Variants in PDGFD observed in about 807,000 individuals in gnomAD.
The protein encoded by PDGFD is platelet derived growth factor D, also known as platelet-derived growth factor D.
Under a neutral mutation model 44.7 loss-of-function variants are expected in PDGFD, and 30 were observed. The observed-to-expected ratio is 0.67, with a 90% confidence interval of 0.50 to 0.91. PDGFD has a LOEUF of 0.91. Among genes scored for constraint, PDGFD ranks in the 40% least tolerant of loss-of-function variants. The pLI is 0.00. For missense variants in PDGFD, 445 were observed against 457.8 expected, an observed-to-expected ratio of 0.97 and a Z score of 0.25; for synonymous variants, 173 against 168.4, an observed-to-expected ratio of 1.03 and a Z score of -0.21.
At chr11:104,149,117 T>A (rs1289404874) in intron 1 of PDGFD, among the ~76,000 whole-genome samples, 1 of 152,178 alleles carries the variant, frequency 6.6e-6, no homozygotes, top group East Asian at 1.9e-4. Flanking sequence ...GGCTCAGAAA[T>A]TCACCTAGAA....
chr11:104,024,097 G>A (rs951123203), intron 1 of PDGFD, among the ~76,000 whole-genome samples: 1 of 152,076 alleles, frequency 6.6e-6, no homozygotes, highest in Non-Finnish European at 1.5e-5. Context: ...GACTGAAGAG[G>A]TGCTTTCCTT....
At chr11:104,095,624 C>A (rs1429734643) in intron 1 of PDGFD, among the ~76,000 whole-genome samples, 1 of 112,736 alleles carries the variant, frequency 8.9e-6, no homozygotes, top group Non-Finnish European at 2.0e-5. Flanking sequence ...AGGAAAGAGA[C>A]TTATTTTTTG....
chr11:104,083,734 A>G (rs552522847), intron 1 of PDGFD, among the ~76,000 whole-genome samples: 41 of 152,332 alleles, frequency 2.7e-4, no homozygotes, highest in African/African-American at 9.1e-4. Flanking sequence ...GTGAAGGAAG[A>G]TGCATCATAA....
At chr11:104,093,551 A>C (rs1275084338) in intron 1 of PDGFD, among the ~76,000 whole-genome samples, 1 of 152,034 alleles carries the variant, frequency 6.6e-6, no homozygotes, top group East Asian at 1.9e-4. Flanking sequence ...AGTTCTGTGG[A>C]ATAGTTCTCA....
intron 1 of PDGFD, among the ~76,000 whole-genome samples, chr11:104,029,456 T>C (rs1199733825): frequency 6.6e-6 from 1 of 152,222 alleles, no homozygotes; most frequent in Non-Finnish European, 1.5e-5. Context: ...CTGTTTAGAA[T>C]AGAGAAAGCT....
chr11:104,122,851 T>G (rs4755008), intron 1 of PDGFD, among the ~76,000 whole-genome samples: 21,730 of 151,674 alleles, frequency 0.14, 1,765 homozygotes, highest in East Asian at 0.29. Flanking sequence ...TCTCTATGTA[T>G]AAAGGGAATA....
chr11:103,962,779 C>G (rs1382176245), intron 3 of PDGFD, among the ~76,000 whole-genome samples: 1 of 152,104 alleles, frequency 6.6e-6, no homozygotes, highest in East Asian at 1.9e-4. Flanking sequence ...CTTCTTTCCT[C>G]CATAGGGTTA....
intron 1 of PDGFD, among the ~76,000 whole-genome samples, chr11:104,015,599 A>G (rs759945922): frequency 6.6e-6 from 1 of 152,248 alleles, no homozygotes; most frequent in Non-Finnish European, 1.5e-5. Flanking sequence ...TACATTCAAA[A>G]GCATGATTTT....
intron 1 of PDGFD, among the ~76,000 whole-genome samples, chr11:104,057,151 C>T (rs572590412): frequency 5.9e-5 from 9 of 152,062 alleles, no homozygotes; most frequent in Non-Finnish European, 1.2e-4. Context: ...AATAAACACC[C>T]CACAAGGTTC....
At chr11:104,007,609 C>G (rs370520021) in intron 1 of PDGFD, among the ~76,000 whole-genome samples, 1 of 152,122 alleles carries the variant, frequency 6.6e-6, no homozygotes, top group South Asian at 2.1e-4. Flanking sequence ...CATAAGACAG[C>G]CAGGAACCAA....
intron 1 of PDGFD, among the ~76,000 whole-genome samples, chr11:104,158,230 T>A (rs1862336272): frequency 6.6e-6 from 1 of 152,224 alleles, no homozygotes; most frequent in Admixed American, 6.5e-5. Context: ...AACACACATA[T>A]GTGAAGAAGA....
At chr11:104,094,450 T>G (rs1184264258) in intron 1 of PDGFD, among the ~76,000 whole-genome samples, 3 of 152,042 alleles carry the variant, frequency 2.0e-5, no homozygotes, top group Non-Finnish European at 4.4e-5. Flanking sequence ...AAATCATATA[T>G]CCAAAAACCT....
At chr11:104,157,814 A>G (rs1226503772) in intron 1 of PDGFD, among the ~76,000 whole-genome samples, 1 of 152,240 alleles carries the variant, frequency 6.6e-6, no homozygotes, top group African/African-American at 2.4e-5. Context: ...TCATCACAAA[A>G]ATATGATAAA....
intron 1 of PDGFD, among the ~76,000 whole-genome samples, chr11:104,040,195 T>G (rs903362643): frequency 2.0e-5 from 3 of 152,048 alleles, no homozygotes; most frequent in Non-Finnish European, 4.4e-5. Flanking sequence ...CTTCAGTAGG[T>G]TTTCACCAGA....
chr11:103,958,276 T>C (rs1858887509), intron 3 of PDGFD, among the ~76,000 whole-genome samples: 1 of 152,188 alleles, frequency 6.6e-6, no homozygotes, highest in Non-Finnish European at 1.5e-5. Flanking sequence ...TACTCTTTCA[T>C]CTTTGTTGAA....
At chr11:103,940,905 G>C (rs1858573763) in intron 5 of PDGFD, among the ~76,000 whole-genome samples, 1 of 152,176 alleles carries the variant, frequency 6.6e-6, no homozygotes, top group Middle Eastern at 3.4e-3. Context: ...GCTCTTGCAA[G>C]GTTATTTCGG....
intron 1 of PDGFD, among the ~76,000 whole-genome samples, chr11:104,052,521 G>A (rs1277998213): frequency 6.6e-6 from 1 of 152,098 alleles, no homozygotes; most frequent in Non-Finnish European, 1.5e-5. Context: ...AAGGTTTGGG[G>A]TTCCCTGGCA....
intron 1 of PDGFD, among the ~76,000 whole-genome samples, chr11:104,002,866 C>T (rs762412650): frequency 1.3e-5 from 2 of 152,068 alleles, no homozygotes; most frequent in Non-Finnish European, 2.9e-5. Flanking sequence ...TGGCAAGCAG[C>T]CATCATTTGC....
intron 1 of PDGFD, among the ~76,000 whole-genome samples, chr11:104,050,341 G>T (rs1430558255): frequency 6.6e-6 from 1 of 151,988 alleles, no homozygotes; most frequent in Non-Finnish European, 1.5e-5. Flanking sequence ...AGGGAAGTAG[G>T]GAGTGATAGA....
Sources: allele counts gnomAD v4.1 joint callset (sites outside exome capture counted in the v4.1 genomes callset), GRCh38; gene constraint gnomAD v4.1.1; transcripts MANE v1.5; gene names NCBI Gene and HGNC (gene_info 2026-07-23, HGNC 2026-07-21).